The following BORCS5 variants were observed in gnomAD, a reference collection of about 807,000 sequenced individuals.
BORCS5 encodes the protein BLOC-1 related complex subunit 5.
BORCS5 carries 17 observed loss-of-function variants against 22.1 expected under a neutral mutation model. The observed-to-expected ratio is 0.77, with a 90% CI of 0.53 to 1.15. The LOEUF is 1.15. Ranked by LOEUF, BORCS5 falls within the 50% of genes most tolerant of loss-of-function variation. The pLI, the probability that BORCS5 is intolerant of heterozygous loss-of-function variation, is 0.00. For missense variants in BORCS5, 247 were observed against 253.2 expected (o/e 0.98, Z 0.17); for synonymous variants, 117 against 99.8 (o/e 1.17, Z -1.03).
At chr12:12,362,636 C>CTTTTTTTTTTTTTTTTTTTT (rs71436712) in intron 2 of BORCS5, among the ~76,000 whole-genome samples, 1 of 57,554 alleles carries the variant, frequency 1.7e-5, no homozygotes, top group African/African-American at 5.5e-5. Context: ...TGTTACTCAT[C>CTTTTTTTTTTTTTTTTTTTT]TTTTTTTTTT....
intron 2 of BORCS5, among the ~76,000 whole-genome samples, chr12:12,364,128 T>G (rs998659786): frequency 6.6e-6 from 1 of 151,890 alleles, no homozygotes; most frequent in African/African-American, 2.4e-5. Flanking sequence ...GTAATCCTAG[T>G]ACTTTGGGAG....
chr12:12,398,179 T>C (rs919300536), intron 2 of BORCS5, among the ~76,000 whole-genome samples: 1 of 152,222 alleles, frequency 6.6e-6, no homozygotes, highest in Middle Eastern at 3.2e-3. Flanking sequence ...TGAGTAATCT[T>C]GTTGCCTCAA....
chr12:12,395,789 AG>A (rs1941325120), intron 2 of BORCS5, among the ~76,000 whole-genome samples: 1 of 152,052 alleles, frequency 6.6e-6, no homozygotes, highest in African/African-American at 2.4e-5. Flanking sequence ...AGATTGTTGT[AG>A]TTTCCTAGTG....
chr12:12,438,360 C>CAAAAAAAAAAAAAAAAAAAAAAA (rs57737663), intron 3 of BORCS5, among the ~76,000 whole-genome samples: 21 of 23,798 alleles, frequency 8.8e-4, no homozygotes, highest in Non-Finnish European at 1.2e-3. Flanking sequence ...GATTTCATCT[C>CAAAAAAAAAAAAAAAAAAAAAAA]AAAAAAAAAA....
At chr12:12,457,389 G>A (rs916922080) in intron 3 of BORCS5, among the ~76,000 whole-genome samples, 7 of 152,258 alleles carry the variant, frequency 4.6e-5, no homozygotes, top group African/African-American at 1.4e-4. Context: ...GGAATGTTTG[G>A]CCGGGCGCGG....
At chr12:12,424,308 CTCAAATCTGCCTTT>C (rs1486391739) in intron 2 of BORCS5, among the ~76,000 whole-genome samples, 1 of 152,194 alleles carries the variant, frequency 6.6e-6, no homozygotes, top group African/African-American at 2.4e-5. Context: ...CTTCTGCCTG[CTCAAATCTGCCTTT>C]GAATCCCTGC....
At chr12:12,438,038 C>A (rs539667875) in intron 3 of BORCS5, among the ~76,000 whole-genome samples, 1 of 152,252 alleles carries the variant, frequency 6.6e-6, no homozygotes, top group Non-Finnish European at 1.5e-5. Context: ...CAGACTCTAC[C>A]ATTTTTTACA....
rs1265161086 is a variant in BORCS5 at position 12,466,088 on chromosome 12, A to G, written c.*312A>G. 2 of 278,934 alleles carry G rather than the reference A, an allele frequency of 7.2e-6. No homozygotes were observed. Among genetic ancestry groups the G allele is most frequent in the Non-Finnish European group, 1.3e-5 (2 of 148,360 alleles). 17.3% of individuals were successfully genotyped at this position (278,934 alleles called of 1,614,324 possible). On this transcript the variant is annotated 3_prime_UTR_variant, in exon 4 of 4. Coordinates refer to ENST00000314565, the MANE Select transcript of BORCS5 (RefSeq NM_058169.6). ...TTTAGTTTTTTTTTTTTTTTAATTG[A>G]GAGTATATAGTCCAGTCCAGGTACC...
chr12:12,425,473 G>T (rs567678783), intron 2 of BORCS5, among the ~76,000 whole-genome samples: 1 of 152,250 alleles, frequency 6.6e-6, no homozygotes, highest in African/African-American at 2.4e-5. Flanking sequence ...CAATGCACAA[G>T]GGTTCCAAGG....
chr12:12,432,766 G>T (rs905096605), intron 2 of BORCS5, among the ~76,000 whole-genome samples: 1 of 152,140 alleles, frequency 6.6e-6, no homozygotes, highest in Non-Finnish European at 1.5e-5. Context: ...CAACTAAAAA[G>T]ATTCAATCCT....
At chr12:12,366,003 T>C (rs1287906609) in intron 2 of BORCS5, among the ~76,000 whole-genome samples, 1 of 152,194 alleles carries the variant, frequency 6.6e-6, no homozygotes, top group Non-Finnish European at 1.5e-5. Context: ...CCTCCTGCTT[T>C]GACGTTGTTC....
intron 3 of BORCS5, among the ~76,000 whole-genome samples, chr12:12,456,627 G>A (rs1450246933): frequency 6.6e-6 from 1 of 152,134 alleles, no homozygotes; most frequent in Admixed American, 6.5e-5. Context: ...ATGTACGCAT[G>A]TACGCCTATG....
chr12:12,411,336 A>G (rs943328247), intron 2 of BORCS5, among the ~76,000 whole-genome samples: 5 of 152,148 alleles, frequency 3.3e-5, no homozygotes, highest in Non-Finnish European at 7.3e-5. Context: ...GTTTTTGTCC[A>G]TTCCGTATCA....
At chr12:12,410,006 T>G (rs1399954097) in intron 2 of BORCS5, among the ~76,000 whole-genome samples, 1 of 152,132 alleles carries the variant, frequency 6.6e-6, no homozygotes, top group Non-Finnish European at 1.5e-5. Context: ...TTTCATGTGT[T>G]TTTTGGCTGC....
intron 3 of BORCS5, among the ~76,000 whole-genome samples, chr12:12,460,489 T>C (rs939833851): frequency 6.6e-6 from 1 of 152,248 alleles, no homozygotes; most frequent in Non-Finnish European, 1.5e-5. Flanking sequence ...TTTTACTTAA[T>C]TTATTGCATT....
At chr12:12,401,100 A>G (rs1003081305) in intron 2 of BORCS5, among the ~76,000 whole-genome samples, 9 of 152,228 alleles carry the variant, frequency 5.9e-5, no homozygotes, top group African/African-American at 2.2e-4. Context: ...ACTATTAAAC[A>G]GTTTTGCAGT....
intron 3 of BORCS5, among the ~76,000 whole-genome samples, chr12:12,450,059 T>A (rs956687444): frequency 6.6e-6 from 1 of 152,246 alleles, no homozygotes; most frequent in African/African-American, 2.4e-5. Context: ...ATCATAGTTT[T>A]CACACACAGT....
At chr12:12,378,634 G>A (rs184364962) in intron 2 of BORCS5, among the ~76,000 whole-genome samples, 1 of 144,268 alleles carries the variant, frequency 6.9e-6, no homozygotes, top group Admixed American at 6.8e-5. Context: ...GACATGCAGT[G>A]TGGGTCCTGG....
At chr12:12,439,447 G>A (rs1942634139) in intron 3 of BORCS5, among the ~76,000 whole-genome samples, 1 of 152,058 alleles carries the variant, frequency 6.6e-6, no homozygotes, top group Non-Finnish European at 1.5e-5. Context: ...GGGCAACATG[G>A]TGAAACCCCA....
Sources: gnomAD v4.1 joint callset for allele counts (sites outside exome capture counted in the v4.1 genomes callset) on GRCh38, gnomAD v4.1.1 for gene constraint, MANE v1.5 for transcripts, NCBI Gene and HGNC (gene_info 2026-07-23, HGNC 2026-07-21) for gene names.